Variants in PCBP3 observed in about 807,000 individuals in gnomAD.
PCBP3 encodes poly(rC)-binding protein 3.
In PCBP3, 25 loss-of-function variants were observed where a neutral mutation model predicts 52.7. That is an observed-to-expected ratio of 0.47 (90% CI 0.35 to 0.66). PCBP3 has a LOEUF of 0.66. Among genes scored for constraint, PCBP3 ranks in the 30% least tolerant of loss-of-function variants. PCBP3 has a pLI of 0.01. For synonymous variants in PCBP3, 162 were observed against 183.0 expected (o/e 0.89, Z 0.93); for missense variants, 391 against 490.3 (o/e 0.80, Z 1.91).
At chr21:45,856,783 G>A (rs2094315140) in intron 5 of PCBP3, among the ~76,000 whole-genome samples, 1 of 152,214 alleles carries the variant, frequency 6.6e-6, no homozygotes, top group African/African-American at 2.4e-5. Flanking sequence ...ACCCAAGGCG[G>A]TCGGGTACAG....
At chr21:45,780,121 G>T (rs184221746) in intron 4 of PCBP3, among the ~76,000 whole-genome samples, 5 of 152,184 alleles carry the variant, frequency 3.3e-5, no homozygotes, top group South Asian at 2.1e-4. Flanking sequence ...AGTAGATCAG[G>T]AATTTCAATC....
At chr21:45,930,042 A>G (rs2075973105) in intron 14 of PCBP3, 47 bp downstream of exon 14, 1 of 1,366,520 alleles carries the variant, frequency 7.3e-7, no homozygotes, top group African/African-American at 1.4e-5. Context: ...TCACCTGGGG[A>G]CTTTCTCTTT....
At chr21:45,905,397 C>T (rs2096176625) in intron 9 of PCBP3, among the ~76,000 whole-genome samples, 1 of 152,216 alleles carries the variant, frequency 6.6e-6, no homozygotes, top group Non-Finnish European at 1.5e-5. Flanking sequence ...CGCCATGGGC[C>T]CTTGGTTAGT....
chr21:45,921,166 TGGTATTTAGTAGAAATTTTTAAAGCATC>T (rs372785305), intron 13 of PCBP3, among the ~76,000 whole-genome samples: 8 of 149,404 alleles, frequency 5.4e-5, no homozygotes, highest in Admixed American at 1.3e-4. Flanking sequence ...TATCTGAGCT[TGGTATTTAGTAGAAATTTTTAAAGCATC>T]GGTATTTAGT....
At chr21:45,914,295 C>T (rs1463970918) in intron 12 of PCBP3, 1 of 540,788 alleles carries the variant, frequency 1.8e-6, no homozygotes, top group Non-Finnish European at 3.2e-6. Flanking sequence ...AAATCCAGTT[C>T]CCAGAACTGG....
At chr21:45,843,592 T>G (rs944726998) in intron 4 of PCBP3, among the ~76,000 whole-genome samples, 2 of 152,218 alleles carry the variant, frequency 1.3e-5, no homozygotes, top group African/African-American at 4.8e-5. Flanking sequence ...CATGCAATAA[T>G]TTTATTATTG....
At chr21:45,698,413 A>G (rs149784879) in intron 2 of PCBP3, among the ~76,000 whole-genome samples, 2 of 152,380 alleles carry the variant, frequency 1.3e-5, no homozygotes, top group African/African-American at 4.8e-5. Context: ...AGCTACCAGG[A>G]CAGGGCTTTT....
intron 5 of PCBP3, among the ~76,000 whole-genome samples, chr21:45,885,711 A>G (rs143313222): frequency 4.6e-4 from 70 of 151,600 alleles, no homozygotes; most frequent in Admixed American, 2.4e-3. Flanking sequence ...AGTTGCCTGC[A>G]TCTCCCATTA....
chr21:45,901,160 TG>T, intron 9 of PCBP3, 47 bp downstream of exon 9: 1 of 1,335,584 alleles, frequency 7.5e-7, no homozygotes, highest in African/African-American at 1.4e-5. Flanking sequence ...GGGGCAGGCC[TG>T]GTCCCAGCTG....
chr21:45,796,269 C>T (rs2091916655), intron 4 of PCBP3, among the ~76,000 whole-genome samples: 1 of 152,150 alleles, frequency 6.6e-6, no homozygotes, highest in Admixed American at 6.5e-5. Context: ...GGTAACTGTA[C>T]CCTCAGAAAA....
intron 4 of PCBP3, among the ~76,000 whole-genome samples, chr21:45,792,274 C>G (rs771680035): frequency 1.3e-5 from 2 of 152,240 alleles, no homozygotes; most frequent in African/African-American, 2.4e-5. Flanking sequence ...GCGGCAAGGG[C>G]AAGAGAACCG....
intron 2 of PCBP3, among the ~76,000 whole-genome samples, chr21:45,731,830 C>T (rs145130242): frequency 1.3e-5 from 2 of 152,174 alleles, no homozygotes; most frequent in Middle Eastern, 3.4e-3. Flanking sequence ...GCCCTTATCT[C>T]CTCACTTCGA....
intron 5 of PCBP3, among the ~76,000 whole-genome samples, chr21:45,890,988 T>C (rs1315514247): frequency 1.3e-5 from 2 of 150,100 alleles, no homozygotes; most frequent in Admixed American, 1.3e-4. Context: ...CTGAGGGGAA[T>C]GGAGATAATA....
intron 5 of PCBP3, among the ~76,000 whole-genome samples, chr21:45,855,670 G>A (rs192166937): frequency 2.7e-4 from 41 of 152,376 alleles, no homozygotes; most frequent in African/African-American, 9.9e-4. Flanking sequence ...TGTGCTGCAG[G>A]CCATGCAGTG....
At chr21:45,867,517 G>C (rs1260902768) in intron 5 of PCBP3, among the ~76,000 whole-genome samples, 1 of 152,374 alleles carries the variant, frequency 6.6e-6, no homozygotes, top group African/African-American at 2.4e-5. Flanking sequence ...GGGCCGTGAA[G>C]GTTATACATG....
intron 2 of PCBP3, among the ~76,000 whole-genome samples, chr21:45,725,893 G>C (rs906121712): frequency 1.3e-5 from 2 of 152,102 alleles, no homozygotes; most frequent in Non-Finnish European, 2.9e-5. Context: ...GCTGGGGTGA[G>C]GAAGCCAGTG....
At chr21:45,909,789 G>GCCCCCCCCCCCC in intron 10 of PCBP3, among the ~76,000 whole-genome samples, 1 of 15,778 alleles carries the variant, frequency 6.3e-5, no homozygotes, top group Non-Finnish European at 1.1e-4. Flanking sequence ...CCCAGATACG[G>GCCCCCCCCCCCC]ACCCCCCCCC....
chr21:45,892,635 C>T (rs1264938894), intron 5 of PCBP3, among the ~76,000 whole-genome samples: 2 of 152,176 alleles, frequency 1.3e-5, no homozygotes, highest in Admixed American at 6.5e-5. Flanking sequence ...GGATGAGTCT[C>T]TGCAGCTGAG....
At chr21:45,877,795 TA>T (rs61264001) in intron 5 of PCBP3, among the ~76,000 whole-genome samples, 21,324 of 148,338 alleles carry the variant, frequency 0.14, 1,670 homozygotes, top group Middle Eastern at 0.29. Flanking sequence ...AACTCCGTCT[TA>T]AAAAAAAAAA....
Sources: allele counts gnomAD v4.1 joint callset (sites outside exome capture counted in the v4.1 genomes callset), GRCh38; gene constraint gnomAD v4.1.1; transcripts MANE v1.5; gene names NCBI Gene and HGNC (gene_info 2026-07-23, HGNC 2026-07-21).